Variants in AGBL1 observed in about 807,000 individuals in gnomAD.
AGBL1 encodes the protein cytosolic carboxypeptidase 4.
In AGBL1, 130 loss-of-function variants were observed where a neutral mutation model predicts 118.9. The observed-to-expected ratio is 1.09, with a 90% CI of 0.95 to 1.26. The LOEUF is 1.26. Among genes scored for constraint, AGBL1 ranks in the 50% most tolerant of loss-of-function variants. The probability of loss-of-function intolerance (pLI) is 0.00; values close to 1 mark genes in which losing one functional copy is unlikely to be tolerated. For missense variants in AGBL1, 1,584 were observed against 1,298.1 expected, an observed-to-expected ratio of 1.22 and a Z score of -3.38; for synonymous variants, 555 against 478.9, an observed-to-expected ratio of 1.16 and a Z score of -2.08.
chr15:86,503,132 T>A (rs955077390), intron 18 of AGBL1, among the ~76,000 whole-genome samples: 1 of 151,540 alleles, frequency 6.6e-6, no homozygotes, highest in Non-Finnish European at 1.5e-5. Flanking sequence ...ATTATAGGTC[T>A]ATTTCAATTT....
intron 21 of AGBL1, among the ~76,000 whole-genome samples, chr15:86,670,650 G>GTGTGTATATATATATA: frequency 7.1e-6 from 1 of 141,138 alleles, no homozygotes; most frequent in East Asian, 2.3e-4. Context: ...GTGTGTGTGT[G>GTGTGTATATATATATA]TATATATATA....
intron 21 of AGBL1, among the ~76,000 whole-genome samples, chr15:86,595,180 C>A (rs900072698): frequency 1.3e-5 from 2 of 152,100 alleles, no homozygotes; most frequent in African/African-American, 4.8e-5. Context: ...AACCTTAATC[C>A]CTTGGTAATC....
At chr15:86,852,102 G>A (rs1043809086) in intron 22 of AGBL1, among the ~76,000 whole-genome samples, 2 of 152,134 alleles carry the variant, frequency 1.3e-5, no homozygotes, top group African/African-American at 4.8e-5. Context: ...CCGACACTGA[G>A]TAATTTATAA....
intron 5 of AGBL1, among the ~76,000 whole-genome samples, chr15:86,189,909 C>T (rs776612920): frequency 3.3e-5 from 5 of 152,154 alleles, no homozygotes; most frequent in Non-Finnish European, 5.9e-5. Context: ...ACCAGGTACC[C>T]ATGTAACATA....
At chr15:86,886,264 A>G (rs2079969839) in intron 22 of AGBL1, among the ~76,000 whole-genome samples, 2 of 152,262 alleles carry the variant, frequency 1.3e-5, no homozygotes, top group Admixed American at 6.5e-5. Context: ...GTGTACTAAA[A>G]TCATCTATAA....
chr15:86,696,398 T>A (rs2142625842), intron 22 of AGBL1, among the ~76,000 whole-genome samples: 1 of 152,100 alleles, frequency 6.6e-6, no homozygotes, highest in South Asian at 2.1e-4. Flanking sequence ...TAAGAATAGC[T>A]ACTCCTGCTT....
intron 21 of AGBL1, among the ~76,000 whole-genome samples, chr15:86,587,025 C>G (rs951137859): frequency 1.3e-5 from 2 of 152,100 alleles, no homozygotes; most frequent in African/African-American, 4.8e-5. Context: ...AGGTCAGAGT[C>G]CATTCCTCAG....
At chr15:86,628,715 G>A (rs1043690772) in intron 21 of AGBL1, among the ~76,000 whole-genome samples, 8 of 152,096 alleles carry the variant, frequency 5.3e-5, no homozygotes, top group Admixed American at 2.6e-4. Context: ...AGAATGGCAT[G>A]AACCCGGGAG....
intron 1 of AGBL1, among the ~76,000 whole-genome samples, chr15:86,092,260 A>G (rs974710052): frequency 6.6e-6 from 1 of 152,186 alleles, no homozygotes; most frequent in Non-Finnish European, 1.5e-5. Flanking sequence ...AACTAGATTG[A>G]GAACCTATGC....
intron 21 of AGBL1, among the ~76,000 whole-genome samples, chr15:86,632,385 G>C (rs567841181): frequency 6.6e-6 from 1 of 152,178 alleles, no homozygotes; most frequent in East Asian, 1.9e-4. Flanking sequence ...GGAGGTTGCG[G>C]TGAGCCGAGA....
chr15:86,541,915 A>G (rs2083502757), intron 19 of AGBL1, among the ~76,000 whole-genome samples: 1 of 152,218 alleles, frequency 6.6e-6, no homozygotes. Flanking sequence ...CACACAAAAG[A>G]ATTACAAGAT....
chr15:86,949,259 A>T (rs2080855128), intron 23 of AGBL1, among the ~76,000 whole-genome samples: 1 of 152,198 alleles, frequency 6.6e-6, no homozygotes, highest in Non-Finnish European at 1.5e-5. Flanking sequence ...AAACTTACAA[A>T]ATCAAGATGA....
chr15:86,606,041 C>T (rs547314262), intron 21 of AGBL1, among the ~76,000 whole-genome samples: 9 of 145,894 alleles, frequency 6.2e-5, no homozygotes, highest in South Asian at 4.3e-4. Context: ...GCAGGAGAAT[C>T]GCTTAAACCC....
chr15:86,223,646 T>G (rs2141925868), intron 5 of AGBL1, among the ~76,000 whole-genome samples: 1 of 152,318 alleles, frequency 6.6e-6, no homozygotes, highest in East Asian at 1.9e-4. Context: ...CGCCCTCTTT[T>G]AACTGCCCTA....
intron 23 of AGBL1, among the ~76,000 whole-genome samples, chr15:86,964,031 C>CTCTCTCTCTCTCTCTG (rs1183866210): frequency 4.4e-4 from 64 of 146,298 alleles, no homozygotes; most frequent in African/African-American, 7.9e-4. Context: ...CTCTCTCTCT[C>CTCTCTCTCTCTCTCTG]TGTGTGTGTG....
rs368440646 is a variant in AGBL1, at chr15:86,211,080, C to G, written c.489-13834C>G. 1.4e-4 allele frequency among the ~76,000 whole-genome samples: 22 copies of G among 152,320 alleles called. No individual in the cohort carries two copies. In the East Asian group the frequency reaches 3.5e-3, roughly 24 times the overall value. The stretch of plus-strand genomic sequence containing the variant: ...TCCTTCTAAGAGTCAGGTCCCTAAG[C>G]TTCAGGTCTGTTGGAGTTTGCTGGA... On this transcript the variant is annotated intron_variant, in intron 5 of 22. Coordinates refer to ENST00000614907, the MANE Select transcript of AGBL1 (RefSeq NM_001386094.1).
chr15:87,002,186 T>A (rs1464448760), intron 24 of AGBL1, among the ~76,000 whole-genome samples: 1 of 152,136 alleles, frequency 6.6e-6, no homozygotes, highest in African/African-American at 2.4e-5. Flanking sequence ...CAGTTTCAGC[T>A]TTCTACAGAT....
chr15:86,193,837 T>G (rs1415786925), intron 5 of AGBL1, among the ~76,000 whole-genome samples: 1 of 152,184 alleles, frequency 6.6e-6, no homozygotes, highest in East Asian at 1.9e-4. Context: ...CAACCTCTTG[T>G]CATAAACACA....
chr15:86,887,696 C>T (rs1178229322), intron 22 of AGBL1, among the ~76,000 whole-genome samples: 1 of 152,094 alleles, frequency 6.6e-6, no homozygotes, highest in Non-Finnish European at 1.5e-5. Flanking sequence ...TGACATTGTT[C>T]CATGCACCTC....
Sources: gnomAD v4.1 joint callset for allele counts (sites outside exome capture counted in the v4.1 genomes callset) on GRCh38, gnomAD v4.1.1 for gene constraint, MANE v1.5 for transcripts, NCBI Gene and HGNC (gene_info 2026-07-23, HGNC 2026-07-21) for gene names.